SPRING1: variants seen among roughly 807,000 people sequenced by gnomAD.
The protein encoded by SPRING1 is SREBP regulating gene protein.
In SPRING1, 14 loss-of-function variants were observed where a neutral mutation model predicts 24.7. The ratio of observed to expected loss-of-function variants is 0.57; its 90% CI spans 0.37 to 0.88. The LOEUF is 0.88. Ranked by LOEUF, SPRING1 falls within the 40% of genes least tolerant of loss-of-function variation. SPRING1 has a pLI of 0.00. For synonymous variants in SPRING1, 93 were observed against 106.1 expected (o/e 0.88, Z 0.76); for missense variants, 255 against 268.4 (o/e 0.95, Z 0.35).
At chr12:116,733,786 T>C (rs1358114792) in intron 1 of SPRING1, among the ~76,000 whole-genome samples, 1 of 152,176 alleles carries the variant, frequency 6.6e-6, no homozygotes, top group Non-Finnish European at 1.5e-5. Context: ...CCTTCACGAG[T>C]TCACTCACCA....
intron 1 of SPRING1, among the ~76,000 whole-genome samples, chr12:116,724,459 TA>T (rs1870587815): frequency 6.6e-6 from 1 of 152,200 alleles, no homozygotes; most frequent in South Asian, 2.1e-4. Flanking sequence ...CTCATGCCTG[TA>T]ATCCCAGCAC....
chr12:116,730,061 C>G (rs892913425), intron 1 of SPRING1, among the ~76,000 whole-genome samples: 1 of 151,924 alleles, frequency 6.6e-6, no homozygotes, highest in Admixed American at 6.6e-5. Context: ...CCACCACGCC[C>G]GGCTAATTTT....
At chr12:116,730,326 C>A (rs1194850789) in intron 1 of SPRING1, among the ~76,000 whole-genome samples, 2 of 152,100 alleles carry the variant, frequency 1.3e-5, no homozygotes, top group African/African-American at 2.4e-5. Context: ...GACTCAGACT[C>A]CCGAGTAGCT....
At position 116,725,342 on chromosome 12, in the gene SPRING1, TG is replaced by T; in HGVS notation, c.112-2120del. The stretch of plus-strand genomic sequence containing the variant: ...ACTTAGTAGTCACTCAGTTACCAGG[TG>T]GAAAAACAGTATGGATAGGGTTTGG... On this transcript the variant is annotated intron_variant, in intron 1 of 4. Coordinates refer to ENST00000261318, the MANE Select transcript of SPRING1 (RefSeq NM_024738.4). Among the ~76,000 whole-genome samples, 5 of 152,162 alleles carry T rather than the reference TG, an allele frequency of 3.3e-5. No individual in the cohort carries two copies. In the East Asian group the frequency reaches 9.7e-4, roughly 29 times the overall value.
Position 116,737,844 on chromosome 12 carries a change from G to A in SPRING1, c.57C>T (p.Leu19=), listed in dbSNP as rs910550417. 5.0e-6 allele frequency: 8 copies of A among 1,591,270 alleles called. No homozygotes were observed. The Admixed American group carries it at 5.1e-5, about 10-fold the overall frequency. The change falls in exon 1 of 5, where the codon CTC becomes CTT. Residue 19 remains leucine (L), a synonymous_variant. Transcript: ENST00000261318. ...WRRLLRKRWV[L]ALVFGLSLVY... is the part of the protein sequence containing the mutation. ...CGAGCGACAGCCCGAAGACCAGGGC[G>A]AGCACCCACCTCTTCCGCAGAAGCC...
At chr12:116,737,211 C>A (rs1416768865) in intron 1 of SPRING1, among the ~76,000 whole-genome samples, 4 of 152,208 alleles carry the variant, frequency 2.6e-5, no homozygotes, top group African/African-American at 9.6e-5. Context: ...AGGTCCCTCA[C>A]CCGTGCTGAG....
chr12:116,720,070 A>T lies in SPRING1; in HGVS notation c.421-194T>A. On this transcript the variant is annotated intron_variant, in intron 3 of 4. Coordinates refer to ENST00000261318, the MANE Select transcript of SPRING1 (RefSeq NM_024738.4). This position sits in a 1 kb window ranked among gnomAD's most constrained non-coding sequence, Gnocchi z 4.0. ...ACCCTGGGTATCTTATTCATTAGAT[A>T]TGTGATTAGCAATACAATGATCCAT... 1.4e-6 allele frequency: 1 copy of T among 716,202 alleles called. No homozygotes were observed. The highest frequency in any genetic ancestry group is 2.7e-5 in the East Asian group (1 of 36,658). The allele number at this position is 716,202 out of a possible 1,614,324, so 44.4% of individuals were successfully genotyped here.
Position 116,712,146 on chromosome 12 carries a change from A to G in SPRING1, c.*5664T>C, listed in dbSNP as rs539986115. ...AAAATAAACCTGGACTCTTGGTAAA[A>G]TATTTGAATAATTAACTGCTTTGCT... On this transcript the variant is annotated 3_prime_UTR_variant, in exon 5 of 5. Transcript: ENST00000261318. The G allele has an allele frequency of 6.6e-6, 1 of 152,350 alleles. No individual in the cohort carries two copies. The highest frequency in any genetic ancestry group is 1.9e-4 in the East Asian group (1 of 5,196). The allele number at this position is 152,350 out of a possible 1,614,324, so 9.4% of individuals were successfully genotyped here. A position where few individuals can be genotyped will look rare whatever the true frequency, so the allele number is the denominator to read the frequency against.
rs1367863377 is a variant in SPRING1 at position 116,728,701 on chromosome 12, G to A, written c.112-5478C>T. ...TGTTCATAGCGTCTTCTCCATCAAC[G>A]GTACACACCCTGGACCCGTACACTC... On this transcript the variant is annotated intron_variant, in intron 1 of 4. Coordinates refer to ENST00000261318, the MANE Select transcript of SPRING1 (RefSeq NM_024738.4). The surrounding 1 kb of genome is among the most constrained non-coding windows in gnomAD (Gnocchi z 4.2). Among the ~76,000 whole-genome samples, 6 of 152,144 alleles carry A rather than the reference G, an allele frequency of 3.9e-5. No homozygotes were observed. The highest frequency in any genetic ancestry group is 1.9e-4 in the East Asian group (1 of 5,200).
At chr12:116,723,279 T>C in intron 1 of SPRING1, 56 bp from the exon 2 acceptor site, 1 of 1,592,810 alleles carries the variant, frequency 6.3e-7, no homozygotes, top group Non-Finnish European at 8.6e-7. Context: ...TCTTACAATT[T>C]CACCAGTTTT....
rs1169663280 is a variant in SPRING1, at chr12:116,714,172, A to G, written c.*3638T>C. 1 of 152,238 alleles carries G rather than the reference A, an allele frequency of 6.6e-6. No homozygotes were observed. The highest frequency in any genetic ancestry group is 1.5e-5 in the Non-Finnish European group (1 of 68,058). 9.4% of individuals were successfully genotyped at this position (152,238 alleles called of 1,614,324 possible). ...CACAGATGAAGGGCCTGAGCCACAG[A>G]GGAGGAAGACTGCCTCAGCCACGCC... On this transcript the variant is annotated 3_prime_UTR_variant, in exon 5 of 5. Coordinates refer to ENST00000261318, the MANE Select transcript of SPRING1 (RefSeq NM_024738.4).
chr12:116,737,969 GC>G lies in SPRING1; in HGVS notation c.-70del. The G allele has an allele frequency of 4.9e-6, 6 of 1,233,770 alleles. No homozygotes were observed. Among genetic ancestry groups the G allele is most frequent in the Non-Finnish European group, 6.1e-6 (6 of 982,142 alleles). The allele number at this position is 1,233,770 out of a possible 1,614,324, so 76.4% of individuals were successfully genotyped here. On this transcript the variant is annotated 5_prime_UTR_variant, in exon 1 of 5. Transcript: ENST00000261318. ...GCAGGCCCGGGTCCCGGGCGGCATGGCCCCTACGCGCCCGGCAGCCCCATCC... is the reference window on the plus strand; with the variant it reads ...GCAGGCCCGGGTCCCGGGCGGCATGGCCCTACGCGCCCGGCAGCCCCATCC...
chr12:116,738,033 T>C lies in SPRING1; in HGVS notation c.-133A>G, dbSNP rs917089702. ...GCCGGCCCCGCCGCCCGCAGCCCAG[T>C]CTGCTCCCGGCAGCCTTGGGCGCAG... On this transcript the variant is annotated 5_prime_UTR_variant, in exon 1 of 5. Coordinates refer to ENST00000261318, the MANE Select transcript of SPRING1 (RefSeq NM_024738.4). 5 of 1,099,018 alleles carry C rather than the reference T, an allele frequency of 4.5e-6. No homozygotes were observed. Among genetic ancestry groups the C allele is most frequent in the Non-Finnish European group, 4.4e-6 (4 of 903,490 alleles). The allele number at this position is 1,099,018 out of a possible 1,614,324, so 68.1% of individuals were successfully genotyped here. A position where few individuals can be genotyped will look rare whatever the true frequency, so the allele number is the denominator to read the frequency against.
chr12:116,728,417 C>T lies in SPRING1; in HGVS notation c.112-5194G>A, dbSNP rs1441499741. 6.6e-6 allele frequency among the ~76,000 whole-genome samples: 1 copy of T among 152,056 alleles called. No individual in the cohort carries two copies. The highest frequency in any genetic ancestry group is 2.4e-5 in the African/African-American group (1 of 41,394). ...GGTGTTATTTGTTAAATAAATGCAC[C>T]CAAGAAACCTGGTACCATTCACCAT... is the stretch of plus-strand genomic sequence containing the variant. On this transcript the variant is annotated intron_variant, in intron 1 of 4. Coordinates refer to ENST00000261318, the MANE Select transcript of SPRING1 (RefSeq NM_024738.4). This position sits in a 1 kb window ranked among gnomAD's most constrained non-coding sequence, Gnocchi z 4.2.
chr12:116,722,879 C>T (rs1310098708), intron 2 of SPRING1, among the ~76,000 whole-genome samples, 188 bp downstream of exon 2: 3 of 152,204 alleles, frequency 2.0e-5, no homozygotes, highest in African/African-American at 7.2e-5. Context: ...TCAAAACAAG[C>T]TTCTCTGATG....
At chr12:116,727,222 CG>C (rs1326077763) in intron 1 of SPRING1, among the ~76,000 whole-genome samples, 1 of 152,154 alleles carries the variant, frequency 6.6e-6, no homozygotes, top group Non-Finnish European at 1.5e-5. Flanking sequence ...CAGAGATGAA[CG>C]GCAGTCTGGT....
At chr12:116,718,042 G>C in intron 4 of SPRING1, 149 bp from the exon 5 acceptor site, 1 of 576,750 alleles carries the variant, frequency 1.7e-6, no homozygotes, top group Non-Finnish European at 2.8e-6. Context: ...AAAGGCTCCA[G>C]GGCACTTTCT....
At position 116,717,566 on chromosome 12, in the gene SPRING1, T is replaced by A. The variant is rs1179199944; in HGVS notation, c.*244A>T. On this transcript the variant is annotated 3_prime_UTR_variant, in exon 5 of 5. Coordinates refer to ENST00000261318, the MANE Select transcript of SPRING1 (RefSeq NM_024738.4). This position sits in a 1 kb window ranked among gnomAD's most constrained non-coding sequence, Gnocchi z 4.2. The stretch of plus-strand genomic sequence containing the variant: ...CACCACCGTGAGCCCGGCCTCCGGT[T>A]TCATCTTTCCCGAATGGGACTGGCT... 2 of 389,000 alleles carry A rather than the reference T, an allele frequency of 5.1e-6. No individual in the cohort carries two copies. The highest frequency in any genetic ancestry group is 5.0e-5 in the South Asian group (1 of 20,070). 24.1% of individuals were successfully genotyped at this position (389,000 alleles called of 1,614,324 possible).
At position 116,716,975 on chromosome 12, in the gene SPRING1, A is replaced by C. The variant is rs1459605362; in HGVS notation, c.*835T>G. On this transcript the variant is annotated 3_prime_UTR_variant, in exon 5 of 5. Transcript: ENST00000261318. ...CCCACAGTTAATTTTAAGTGGCAAAAGAAATGAGAACAAATTCCTCCAGGA... is the reference window on the plus strand; with the variant it reads ...CCCACAGTTAATTTTAAGTGGCAAACGAAATGAGAACAAATTCCTCCAGGA... 6.6e-6 allele frequency: 1 copy of C among 152,214 alleles called. No homozygotes were observed. Among genetic ancestry groups the C allele is most frequent in the Non-Finnish European group, 1.5e-5 (1 of 68,036 alleles). 9.4% of individuals were successfully genotyped at this position (152,214 alleles called of 1,614,324 possible).
Sources: gnomAD v4.1 joint callset for allele counts (sites outside exome capture counted in the v4.1 genomes callset) on GRCh38, gnomAD v4.1.1 for gene constraint, Gnocchi (gnomAD v3.1) non-coding constraint, MANE v1.5 for transcripts, NCBI Gene and HGNC (gene_info 2026-07-23, HGNC 2026-07-21) for gene names.